The following CDH8 variants were observed in gnomAD, a reference collection of about 807,000 sequenced individuals.
The protein encoded by CDH8 is cadherin 8, also known as cadherin-8.
CDH8 carries 17 observed loss-of-function variants against 68.1 expected under a neutral mutation model. The observed-to-expected ratio is 0.25, with a 90% CI of 0.17 to 0.37. CDH8 has a LOEUF of 0.37. Ranked by LOEUF, CDH8 falls within the 10% of genes least tolerant of loss-of-function variation. The pLI, the probability that CDH8 is intolerant of heterozygous loss-of-function variation, is 1.00. For synonymous variants in CDH8, 372 were observed against 365.1 expected (o/e 1.02, Z -0.21); for missense variants, 763 against 999.3 (o/e 0.76, Z 3.19).
intron 2 of CDH8, among the ~76,000 whole-genome samples, chr16:61,991,139 A>G (rs1251422223): frequency 1.3e-5 from 2 of 152,170 alleles, no homozygotes; most frequent in Non-Finnish European, 2.9e-5. Context: ...TAAATCATAT[A>G]TGCATACCCT....
chr16:62,034,984 G>C (rs1295363615), intron 1 of CDH8: 1 of 152,230 alleles, frequency 6.6e-6, no homozygotes, highest in African/African-American at 2.4e-5. Context: ...GTGCCTGCGG[G>C]GGAAGGGTCA....
At chr16:61,802,026 CAA>C (rs1961655585) in intron 7 of CDH8, among the ~76,000 whole-genome samples, 1 of 142,466 alleles carries the variant, frequency 7.0e-6, no homozygotes, top group Non-Finnish European at 1.5e-5. Context: ...CACAGACAAA[CAA>C]AGAGACAGCA....
chr16:61,881,675 C>A lies in CDH8; in HGVS notation c.547+19504G>T, dbSNP rs576258544. Among the ~76,000 whole-genome samples, 14 of 152,264 alleles carry A rather than the reference C, an allele frequency of 9.2e-5. No homozygotes were observed. In the South Asian group the frequency reaches 2.5e-3, roughly 27 times the overall value. ...CTGACATTTATTGAAATATCACATG[C>A]CAAGCACAGCATTTTATCCTTTCAC... On this transcript the variant is annotated intron_variant, in intron 3 of 11. Transcript: ENST00000577390.
intron 6 of CDH8, 179 bp from the exon 7 acceptor site, chr16:61,817,911 T>C: frequency 1.9e-6 from 1 of 536,956 alleles, no homozygotes; most frequent in Non-Finnish European, 3.2e-6. Flanking sequence ...TATTTATGTC[T>C]GTTTATTATA....
At chr16:61,710,955 G>T (rs1177267411) in intron 10 of CDH8, among the ~76,000 whole-genome samples, 1 of 151,914 alleles carries the variant, frequency 6.6e-6, no homozygotes, top group Non-Finnish European at 1.5e-5. Context: ...TATAAATTCA[G>T]CCAACTGGAA....
At chr16:61,761,996 G>A (rs1165766706) in intron 8 of CDH8, among the ~76,000 whole-genome samples, 5 of 152,016 alleles carry the variant, frequency 3.3e-5, no homozygotes, top group Non-Finnish European at 7.4e-5. Context: ...GCAAGACTTT[G>A]TCTCAAAAAA....
chr16:61,782,438 A>G (rs1399792005), intron 8 of CDH8, among the ~76,000 whole-genome samples: 5 of 151,860 alleles, frequency 3.3e-5, no homozygotes, highest in Non-Finnish European at 5.9e-5. Context: ...GGAGGGTCCT[A>G]CGCCCACGGA....
chr16:61,796,612 T>C (rs914755355), intron 7 of CDH8, among the ~76,000 whole-genome samples: 1 of 152,128 alleles, frequency 6.6e-6, no homozygotes, highest in Non-Finnish European at 1.5e-5. Flanking sequence ...AAGAGACTTA[T>C]TTAAACTTTC....
At position 61,960,182 on chromosome 16, in the gene CDH8, T is replaced by C. The variant is rs1442446266; in HGVS notation, c.253-58709A>G. Among the ~76,000 whole-genome samples the C allele has an allele frequency of 4.7e-5, 6 of 128,916 alleles. No individual in the cohort carries two copies. The East Asian group carries it at 1.3e-3, about 29-fold the overall frequency. 84.6% of individuals were successfully genotyped at this position (128,916 alleles called of 152,430 possible). On this transcript the variant is annotated intron_variant, in intron 2 of 11. Transcript: ENST00000577390. ...GTGTGTATACACATACATATATACA[T>C]ATGTGTGTGTATACACATACATATA...
At chr16:61,903,142 C>T (rs1013720796) in intron 2 of CDH8, among the ~76,000 whole-genome samples, 5 of 152,118 alleles carry the variant, frequency 3.3e-5, no homozygotes, top group African/African-American at 1.2e-4. Context: ...AACAAATAAA[C>T]TATTACATTT....
intron 2 of CDH8, among the ~76,000 whole-genome samples, chr16:61,935,950 A>T (rs968976451): frequency 2.6e-5 from 4 of 152,158 alleles, no homozygotes; most frequent in African/African-American, 9.7e-5. Context: ...GGCATTGTGA[A>T]GGTTTACAGC....
chr16:61,853,494 G>A (rs1046088960), intron 4 of CDH8, among the ~76,000 whole-genome samples: 4 of 152,066 alleles, frequency 2.6e-5, no homozygotes, highest in African/African-American at 9.7e-5. Flanking sequence ...TCACAATATC[G>A]ATCATTTTAG....
chr16:61,746,458 C>T (rs1295801271), intron 8 of CDH8, among the ~76,000 whole-genome samples: 1 of 151,540 alleles, frequency 6.6e-6, no homozygotes, highest in Non-Finnish European at 1.5e-5. Flanking sequence ...GCCTTTAAAT[C>T]ATGTTGTTCT....
At chr16:62,028,468 CA>C (rs1248547916) in intron 1 of CDH8, among the ~76,000 whole-genome samples, 3 of 151,998 alleles carry the variant, frequency 2.0e-5, no homozygotes, top group African/African-American at 7.2e-5. Flanking sequence ...TTGCAAAAAT[CA>C]ATAAATAAAT....
chr16:61,899,595 T>C (rs904077688), intron 3 of CDH8, among the ~76,000 whole-genome samples: 2 of 151,648 alleles, frequency 1.3e-5, no homozygotes, highest in Admixed American at 1.3e-4. Context: ...GGAAAAGGTA[T>C]TATGGGGAAG....
chr16:61,924,770 T>A (rs1253718274), intron 2 of CDH8, among the ~76,000 whole-genome samples: 1 of 152,138 alleles, frequency 6.6e-6, no homozygotes, highest in African/African-American at 2.4e-5. Context: ...CAACCTTCTA[T>A]TTTTGGCCTC....
At position 61,941,310 on chromosome 16, in the gene CDH8, C is replaced by T. The variant is rs376346962; in HGVS notation, c.253-39837G>A. ...TTAAGATTTCTTCAAAGAGTATCTT[C>T]GTATAGATCTTCTTTGACCCAAAAT... is the stretch of plus-strand genomic sequence containing the variant. On this transcript the variant is annotated intron_variant, in intron 2 of 11. Transcript: ENST00000577390. Among the ~76,000 whole-genome samples, 35 of 152,186 alleles carry T rather than the reference C, an allele frequency of 2.3e-4. 1 individual carries two copies. The highest frequency in any genetic ancestry group is 8.2e-4 in the African/African-American group (34 of 41,522).
intron 2 of CDH8, among the ~76,000 whole-genome samples, chr16:61,972,484 G>A (rs1400336191): frequency 6.7e-6 from 1 of 149,144 alleles, no homozygotes; most frequent in Non-Finnish European, 1.5e-5. Context: ...GAGTCGTGTT[G>A]AGATCTACTG....
At chr16:61,831,677 C>A (rs533108776) in intron 4 of CDH8, among the ~76,000 whole-genome samples, 1 of 151,886 alleles carries the variant, frequency 6.6e-6, no homozygotes, top group African/African-American at 2.4e-5. Flanking sequence ...TTTATAATTT[C>A]TGTGATATCA....
Sources: gnomAD v4.1 joint callset for allele counts (sites outside exome capture counted in the v4.1 genomes callset) on GRCh38, gnomAD v4.1.1 for gene constraint, MANE v1.5 for transcripts, NCBI Gene and HGNC (gene_info 2026-07-23, HGNC 2026-07-21) for gene names.